Variants in MET observed in about 807,000 individuals in gnomAD.
The protein encoded by MET is hepatocyte growth factor receptor.
Under a neutral mutation model 133.1 loss-of-function variants are expected in MET, and 48 were observed. The ratio of observed to expected loss-of-function variants is 0.36; its 90% CI spans 0.29 to 0.46. The LOEUF is 0.46. MET is among the 20% of genes least tolerant of loss of function. The pLI, the probability that MET is intolerant of heterozygous loss-of-function variation, is 1.00. For synonymous variants in MET, 628 were observed against 616.5 expected (o/e 1.02, Z -0.28); for missense variants, 1,442 against 1,695.9 (o/e 0.85, Z 2.63).
intron 6 of MET, among the ~76,000 whole-genome samples, chr7:116,756,292 A>G (rs189763247): frequency 6.6e-6 from 1 of 151,798 alleles, no homozygotes; most frequent in East Asian, 1.9e-4. Context: ...ATTCATTATC[A>G]CATAATAACA....
At chr7:116,729,670 A>G (rs1030672974) in intron 2 of MET, among the ~76,000 whole-genome samples, 45 of 152,292 alleles carry the variant, frequency 3.0e-4, no homozygotes, top group African/African-American at 1.1e-3. Context: ...ATTTTCCTTA[A>G]TACTTTCTCC....
intron 2 of MET, among the ~76,000 whole-genome samples, chr7:116,718,091 AAAT>A (rs963266550): frequency 2.0e-5 from 3 of 152,182 alleles, no homozygotes; most frequent in Non-Finnish European, 2.9e-5. Context: ...AGTTTTTAAA[AAAT>A]AATAAAACAG....
chr7:116,676,653 A>G (rs1796169680), intron 1 of MET, among the ~76,000 whole-genome samples: 1 of 152,182 alleles, frequency 6.6e-6, no homozygotes, highest in Admixed American at 6.5e-5. Context: ...TGAAAAACTC[A>G]ATAGTGAGGT....
intron 19 of MET, among the ~76,000 whole-genome samples, chr7:116,792,967 C>A (rs2117097752): frequency 6.6e-6 from 1 of 152,346 alleles, no homozygotes; most frequent in South Asian, 2.1e-4. Context: ...CTTTCACTAC[C>A]TTAATTCCAG....
At position 116,734,054 on chromosome 7, in the gene MET, G is replaced by C. The variant is rs938339237; in HGVS notation, c.1392+2195G>C. 3.3e-5 allele frequency among the ~76,000 whole-genome samples: 5 copies of C among 152,236 alleles called. No homozygotes were observed. In the Middle Eastern group the frequency reaches 0.01, roughly 311 times the overall value. On this transcript the variant is annotated intron_variant, in intron 3 of 20. Coordinates refer to ENST00000397752, the MANE Select transcript of MET (RefSeq NM_000245.4). ...AATAGTGCGGGAGGAGTCAGGAGTG[G>C]AGCACAGATATGGCAACCTCCCACT...
chr7:116,782,596 G>A (rs2117062434), intron 18 of MET, among the ~76,000 whole-genome samples: 1 of 152,316 alleles, frequency 6.6e-6, no homozygotes, highest in Admixed American at 6.5e-5. Context: ...ACAGTCAACA[G>A]TTTGTAATTG....
intron 17 of MET, 93 bp from the exon 18 acceptor site, chr7:116,781,895 T>A: frequency 1.1e-6 from 1 of 874,526 alleles, no homozygotes; most frequent in Admixed American, 2.1e-5. Context: ...TGAGACAAGA[T>A]AATTTTTTAT....
intron 5 of MET, among the ~76,000 whole-genome samples, chr7:116,742,742 A>G (rs762270997): frequency 2.6e-5 from 4 of 152,180 alleles, no homozygotes; most frequent in Admixed American, 2.6e-4. Context: ...TCTTAACTCT[A>G]GCATTCTATA....
At chr7:116,768,495 TATC>T (rs1457904308) in intron 11 of MET, among the ~76,000 whole-genome samples, 1 of 152,178 alleles carries the variant, frequency 6.6e-6, no homozygotes, top group Non-Finnish European at 1.5e-5. Flanking sequence ...CTTCTAGAAG[TATC>T]ATAAGGATAG....
chr7:116,795,349 G>A (rs1284899517), intron 19 of MET, among the ~76,000 whole-genome samples: 1 of 152,180 alleles, frequency 6.6e-6, no homozygotes, highest in Non-Finnish European at 1.5e-5. Flanking sequence ...ACATGTTAGT[G>A]CTTTGACACA....
rs557636134 is a variant in MET at position 116,708,080 on chromosome 7, C to T, written c.1200+7796C>T. Among the ~76,000 whole-genome samples, 2 of 152,252 alleles carry T rather than the reference C, an allele frequency of 1.3e-5. 1 individual carries two copies. The highest frequency in any genetic ancestry group is 4.8e-5 in the African/African-American group (2 of 41,560). ...GTATTACAATGGAGAATGAGCTAGA[C>T]TGTACCTGTCTTCAACAAGCAGATA... is the stretch of plus-strand genomic sequence containing the variant. On this transcript the variant is annotated intron_variant, in intron 2 of 20. Coordinates refer to ENST00000397752, the MANE Select transcript of MET (RefSeq NM_000245.4).
Position 116,699,910 on chromosome 7 carries a change from A to C in MET, c.826A>C (p.Thr276Pro), listed in dbSNP as rs769128478. 1 of 1,614,094 alleles carries C rather than the reference A, an allele frequency of 6.2e-7. No individual in the cohort carries two copies. Among genetic ancestry groups the C allele is most frequent in the Non-Finnish European group, 8.5e-7 (1 of 1,179,980 alleles). Residue 276 changes from threonine (T) to proline (P), a missense_variant, in exon 2 of 21, where the codon ACA becomes CCA. Transcript: ENST00000397752. ...RETLDAQTFH[T>P]RIIRFCSINS... ...AACTCTAGATGCTCAGACTTTTCACACAAGAATAATCAGGTTCTGTTCCAT... is the reference window on the plus strand; with the variant it reads ...AACTCTAGATGCTCAGACTTTTCACCCAAGAATAATCAGGTTCTGTTCCAT...
intron 1 of MET, chr7:116,695,893 C>A: frequency 2.8e-6 from 1 of 353,330 alleles, no homozygotes; most frequent in South Asian, 2.3e-5. Flanking sequence ...CTACAGTTCT[C>A]TAGCTTGGCT....
rs373634891 is a variant in MET, at chr7:116,771,812, C to T, written c.2888-37C>T. The T allele has an allele frequency of 2.8e-5, 45 of 1,613,462 alleles. No individual in the cohort carries two copies. In the East Asian group the frequency reaches 6.2e-4, roughly 22 times the overall value. On this transcript the variant is annotated intron_variant, in intron 13 of 20. Coordinates refer to ENST00000397752, the MANE Select transcript of MET (RefSeq NM_000245.4). ...AAAGTCTCCTGGGGCCCATGATAGC[C>T]GTCTTTAACAAGCTCTTTCTTTCTC...
intron 11 of MET, among the ~76,000 whole-genome samples, 186 bp from the exon 12 acceptor site, chr7:116,769,459 A>G (rs1359208244): frequency 6.6e-6 from 1 of 152,192 alleles, no homozygotes; most frequent in Non-Finnish European, 1.5e-5. Context: ...TAACTAACAC[A>G]TGCCCTGAAA....
At chr7:116,793,102 C>A (rs1339523180) in intron 19 of MET, among the ~76,000 whole-genome samples, 1 of 152,110 alleles carries the variant, frequency 6.6e-6, no homozygotes, top group Non-Finnish European at 1.5e-5. Context: ...CTAAGCTTGG[C>A]GCTTACAGAT....
chr7:116,730,859 G>T (rs1792976313), intron 2 of MET, among the ~76,000 whole-genome samples: 1 of 152,144 alleles, frequency 6.6e-6, no homozygotes. Context: ...ATACTTGAGT[G>T]ATGTTATCTA....
chr7:116,681,735 G>A (rs944049570), intron 1 of MET, among the ~76,000 whole-genome samples: 1 of 152,156 alleles, frequency 6.6e-6, no homozygotes, highest in Non-Finnish European at 1.5e-5. Context: ...TCCAGCCAAT[G>A]GCTACACTGT....
At chr7:116,777,787 C>T (rs1795039374) in intron 16 of MET, among the ~76,000 whole-genome samples, 1 of 152,164 alleles carries the variant, frequency 6.6e-6, no homozygotes, top group African/African-American at 2.4e-5. Context: ...CTATTGGAAG[C>T]ATGTTGGCAC....
Sources: allele counts gnomAD v4.1 joint callset (sites outside exome capture counted in the v4.1 genomes callset), GRCh38; gene constraint gnomAD v4.1.1; transcripts MANE v1.5; gene names NCBI Gene and HGNC (gene_info 2026-07-23, HGNC 2026-07-21).